The following ALS2 variants were observed in gnomAD, a reference collection of about 807,000 sequenced individuals.
ALS2 encodes the protein alsin Rho guanine nucleotide exchange factor ALS2, also known as alsin.
A neutral mutation model predicts 203.4 loss-of-function variants in ALS2; 117 were observed. The observed-to-expected ratio is 0.58, with a 90% CI of 0.50 to 0.67. ALS2 has a LOEUF of 0.67. Among genes scored for constraint, ALS2 ranks in the 30% least tolerant of loss-of-function variants. The probability of loss-of-function intolerance (pLI) is 0.00; values close to 1 mark genes in which losing one functional copy is unlikely to be tolerated. For synonymous variants in ALS2, 718 were observed against 725.9 expected (o/e 0.99, Z 0.17); for missense variants, 1,715 against 1,989.4 (o/e 0.86, Z 2.62).
At chr2:201,772,219 A>G (rs1694425668) in intron 1 of ALS2, among the ~76,000 whole-genome samples, 1 of 152,200 alleles carries the variant, frequency 6.6e-6, no homozygotes, top group South Asian at 2.1e-4. Flanking sequence ...TAACAGAGAA[A>G]TAAGTTGTCC....
chr2:201,746,029 T>C (rs566356775), intron 9 of ALS2, among the ~76,000 whole-genome samples: 12 of 152,274 alleles, frequency 7.9e-5, no homozygotes, highest in South Asian at 4.1e-4. Context: ...TGGTTGTCTG[T>C]TGGGTCTCTC....
chr2:201,711,457 T>C (rs1445798998), intron 25 of ALS2, among the ~76,000 whole-genome samples: 2 of 151,986 alleles, frequency 1.3e-5, no homozygotes, highest in Non-Finnish European at 2.9e-5. Flanking sequence ...TGAAGATAAA[T>C]ACAATATTAG....
chr2:201,729,025 T>C, intron 14 of ALS2, 27 bp downstream of exon 14: 1 of 1,614,002 alleles, frequency 6.2e-7, no homozygotes, highest in East Asian at 2.2e-5. Context: ...TTTGCTAGGG[T>C]AACAAATGAC....
intron 5 of ALS2, among the ~76,000 whole-genome samples, chr2:201,755,337 G>A (rs1452276777): frequency 2.6e-5 from 4 of 151,726 alleles, no homozygotes; most frequent in Non-Finnish European, 5.9e-5. Context: ...ATCTCGGCTC[G>A]CAGGAACCTC....
chr2:201,710,114 T>C, intron 26 of ALS2, 76 bp from the exon 27 acceptor site: 1 of 1,515,350 alleles, frequency 6.6e-7, no homozygotes, highest in East Asian at 2.3e-5. Flanking sequence ...AGAAACAACT[T>C]CATAAATGAC....
intron 25 of ALS2, among the ~76,000 whole-genome samples, chr2:201,714,998 T>C (rs1559038549): frequency 3.9e-5 from 6 of 152,114 alleles, no homozygotes. Flanking sequence ...TAGGGACAGA[T>C]GGTGGGAGAA....
chr2:201,729,063 C>T lies in ALS2; in HGVS notation c.2701G>A (p.Gly901Arg), dbSNP rs367663311. ...YTLGFWKTFP[G>R]KMTDSLRKPE... ...CTGGCATGGCTTACCGTCATTTTTC[C>T]GGGGAAGGTCTTCCAGAAGCCCAGT... Residue 901 changes from glycine (G) to arginine (R), a missense_variant, in exon 14 of 34, where the codon GGA becomes AGA. Physicochemically the swap from Gly to Arg is moderately radical, Grantham distance 125. Around this residue, in one of 3 missense-constraint regions of ALS2, gnomAD observed 1,227 missense variants for 1,413.5 expected, o/e 0.87. Coordinates refer to ENST00000264276, the MANE Select transcript of ALS2 (RefSeq NM_020919.4). 5 of 1,614,026 alleles carry T rather than the reference C, an allele frequency of 3.1e-6. No homozygotes were observed. Among genetic ancestry groups the T allele is most frequent in the South Asian group, 1.1e-5 (1 of 91,090 alleles).
Position 201,705,195 on chromosome 2 carries a change from C to T in ALS2, c.4632G>A (p.Leu1544=), listed in dbSNP as rs2105964673. 1.9e-6 allele frequency: 3 copies of T among 1,613,970 alleles called. No homozygotes were observed. Among genetic ancestry groups the T allele is most frequent in the Non-Finnish European group, 2.5e-6 (3 of 1,179,928 alleles). ...LSILGESKKV[L]PTTKDACFAS... ...CAAAACAAGCATCTTTCGTGGTTGG[C>T]AAAACCTGCAAAAAAGAGAGTGAAG... The change falls in exon 31 of 34, where the codon TTG becomes TTA. Residue 1544 remains leucine, a synonymous_variant. Coordinates refer to ENST00000264276, the MANE Select transcript of ALS2 (RefSeq NM_020919.4).
intron 3 of ALS2, chr2:201,763,492 T>A (rs1693883023): frequency 3.5e-6 from 1 of 283,178 alleles, no homozygotes. Flanking sequence ...AGTCTCCGTA[T>A]CAGGAATTCA....
Position 201,704,444 on chromosome 2 carries a change from A to G in ALS2, c.4838+10T>C. On this transcript the variant is annotated intron_variant, in intron 32 of 33. Transcript: ENST00000264276. ...ACGACTCACTAATAACAAAGTCATA[A>G]AACAGTTACCTGGCCCGTAGCACCA... The G allele has an allele frequency of 3.7e-6, 6 of 1,614,048 alleles. No homozygotes were observed. The highest frequency in any genetic ancestry group is 1.6e-4 in the Middle Eastern group (1 of 6,062).
chr2:201,747,277 AG>A (rs1692724999), intron 8 of ALS2, among the ~76,000 whole-genome samples: 1 of 152,148 alleles, frequency 6.6e-6, no homozygotes, highest in Non-Finnish European at 1.5e-5. Context: ...GCCTACTCCC[AG>A]GATGTTAAAA....
At chr2:201,745,090 G>A (rs1277807568) in intron 9 of ALS2, among the ~76,000 whole-genome samples, 1 of 152,200 alleles carries the variant, frequency 6.6e-6, no homozygotes, top group East Asian at 1.9e-4. Flanking sequence ...AGACACACAC[G>A]AGAGCTTCAT....
Position 201,729,148 on chromosome 2 carries a change from A to G in ALS2, c.2616T>C (p.Ser872=), listed in dbSNP as rs368816555. 1.1e-5 allele frequency: 17 copies of G among 1,613,926 alleles called. No individual in the cohort carries two copies. In the African/African-American group the frequency reaches 2.1e-4, roughly 20 times the overall value. ...GGAGAGCAAGACACTCATAACAAGA[A>G]CTGGAATCCTGCAGTTTCTGATATT... ...SPEYQKLQDS[S]SCYECLALHL... Residue 872 remains serine (S), a synonymous_variant, in exon 14 of 34, where the codon AGT becomes AGC. Transcript: ENST00000264276.
Position 201,727,100 on chromosome 2 carries a change from A to G in ALS2, c.2979+112T>C, listed in dbSNP as rs866575032. ...TTTTGGGTTAATGAAGATTTATCAGACAGAACTGTGCATCATTAGTCAAGC... is the reference window on the plus strand; with the variant it reads ...TTTTGGGTTAATGAAGATTTATCAGGCAGAACTGTGCATCATTAGTCAAGC... On this transcript the variant is annotated intron_variant, in intron 17 of 33. Transcript: ENST00000264276. 74 of 1,102,330 alleles carry G rather than the reference A, an allele frequency of 6.7e-5. No individual in the cohort carries two copies. In the Middle Eastern group the frequency reaches 9.9e-4, roughly 15 times the overall value. 68.3% of individuals were successfully genotyped at this position (1,102,330 alleles called of 1,614,324 possible).
rs121908139 is a variant in ALS2, at chr2:201,744,285, G to A, written c.2143C>T (p.Gln715Ter). ...AAACTGAGAAGAGGCCTGAGAATCT[G>A]AGATTTGATATCACTTAGTTTTGAA... ...FYSKLSDIKS[Q>*]ILRPLLSLEN... The change falls in exon 10 of 34, where the codon CAG becomes TAG. Residue 715 changes from glutamine (Q) to a stop codon, truncating the protein, a stop_gained. Transcript: ENST00000264276. LOFTEE classifies it high-confidence loss of function. The A allele has an allele frequency of 6.2e-7, 1 of 1,614,132 alleles. No homozygotes were observed. The highest frequency in any genetic ancestry group is 8.5e-7 in the Non-Finnish European group (1 of 1,180,010).
chr2:201,738,652 AGGTGTG>A lies in ALS2; in HGVS notation c.2417+12_2417+17del. ...TTTGGCGGAGAGAATGATAACTGGA[AGGTGTG>A]GGTTTGCTTACATGGCAGGCTTAGC... On this transcript the variant is annotated intron_variant, in intron 12 of 33. Transcript: ENST00000264276. The A allele has an allele frequency of 6.2e-7, 1 of 1,609,074 alleles. No homozygotes were observed. The highest frequency in any genetic ancestry group is 8.5e-7 in the Non-Finnish European group (1 of 1,175,398).
At chr2:201,744,211 T>G in intron 10 of ALS2, 47 bp downstream of exon 10, 1 of 1,569,746 alleles carries the variant, frequency 6.4e-7, no homozygotes, top group South Asian at 1.1e-5. Context: ...GAAGAAGAGA[T>G]AAAGACCTGA....
intron 24 of ALS2, among the ~76,000 whole-genome samples, chr2:201,716,143 C>A (rs1188154347): frequency 5.3e-5 from 8 of 152,092 alleles, no homozygotes; most frequent in African/African-American, 1.9e-4. Context: ...TGTGGTGGCT[C>A]ATGTCTGTAA....
intron 10 of ALS2, among the ~76,000 whole-genome samples, chr2:201,742,150 G>A (rs1692318332): frequency 6.6e-6 from 1 of 152,204 alleles, no homozygotes; most frequent in African/African-American, 2.4e-5. Context: ...GGACCACTGA[G>A]CTAATGCAAC....
Sources: gnomAD v4.1 joint callset for allele counts (sites outside exome capture counted in the v4.1 genomes callset) on GRCh38, gnomAD v4.1.1 for gene constraint, gnomAD v4.1.1 regional missense constraint, MANE v1.5 for transcripts, NCBI Gene and HGNC (gene_info 2026-07-23, HGNC 2026-07-21) for gene names.